TOX: variants seen among roughly 807,000 people sequenced by gnomAD.
The protein encoded by TOX is thymocyte selection associated high mobility group box.
Under a neutral mutation model 53.7 loss-of-function variants are expected in TOX, and 11 were observed. The ratio of observed to expected loss-of-function variants is 0.20; its 90% confidence interval spans 0.13 to 0.34. The LOEUF is 0.34. Ranked by LOEUF, TOX falls within the 10% of genes least tolerant of loss-of-function variation. TOX has a pLI of 1.00. For missense variants in TOX, 570 were observed against 664.6 expected, an observed-to-expected ratio of 0.86 and a Z score of 1.56; for synonymous variants, 225 against 245.3, an observed-to-expected ratio of 0.92 and a Z score of 0.77.
chr8:59,046,174 C>A (rs1803678769), intron 1 of TOX, among the ~76,000 whole-genome samples: 1 of 152,126 alleles, frequency 6.6e-6, no homozygotes, highest in African/African-American at 2.4e-5. Context: ...TGGACAATAA[C>A]CACCAAAACT....
chr8:58,959,519 A>G (rs894314977), intron 2 of TOX, among the ~76,000 whole-genome samples: 1 of 152,128 alleles, frequency 6.6e-6, no homozygotes, highest in African/African-American at 2.4e-5. Context: ...CCCACCGGCC[A>G]TGGGATTTGG....
intron 5 of TOX, among the ~76,000 whole-genome samples, chr8:58,834,099 T>C (rs1810508394): frequency 6.6e-6 from 1 of 152,206 alleles, no homozygotes; most frequent in Admixed American, 6.5e-5. Context: ...CTATTAGTCA[T>C]GTTCCCTCTG....
intron 1 of TOX, among the ~76,000 whole-genome samples, chr8:59,074,507 C>T (rs2129422798): frequency 6.6e-6 from 1 of 152,052 alleles, no homozygotes; most frequent in Middle Eastern, 3.4e-3. Context: ...AATATCTGGC[C>T]CCCGACGGAT....
In TOX at chr8:58,913,652, A is replaced by T. The variant is rs143178186; in HGVS notation, c.411+25650T>A. 6.3e-3 allele frequency among the ~76,000 whole-genome samples: 963 copies of T among 152,272 alleles called. 13 individuals carry two copies. The highest frequency in any genetic ancestry group is 0.022 in the African/African-American group (919 of 41,560). On this transcript the variant is annotated intron_variant, in intron 3 of 8. Transcript: ENST00000361421. ...ACTTCCTTAGTGTCTGTTTCATAAA[A>T]TTTTTTATTTTTTTACAGGAGTAGC...
intron 1 of TOX, among the ~76,000 whole-genome samples, chr8:59,026,953 T>A (rs17243508): frequency 0.29 from 41,515 of 145,528 alleles, 6,682 homozygotes; most frequent in Non-Finnish European, 0.37. Flanking sequence ...CCAGAAGGAG[T>A]GAGGGAAGCA....
chr8:59,082,953 TG>T (rs1804436449), intron 1 of TOX, among the ~76,000 whole-genome samples: 1 of 152,182 alleles, frequency 6.6e-6, no homozygotes, highest in Admixed American at 6.5e-5. Context: ...CGTTGTTTTT[TG>T]TTTGTTTGTT....
At chr8:59,026,662 A>G (rs1814245220) in intron 1 of TOX, among the ~76,000 whole-genome samples, 1 of 152,178 alleles carries the variant, frequency 6.6e-6, no homozygotes, top group African/African-American at 2.4e-5. Flanking sequence ...AGCACTTGCC[A>G]TTTGAGTGAC....
intron 1 of TOX, among the ~76,000 whole-genome samples, chr8:58,968,063 C>T (rs528385567): frequency 2.0e-5 from 3 of 152,036 alleles, no homozygotes; most frequent in Non-Finnish European, 4.4e-5. Flanking sequence ...ACAAGAATTG[C>T]CTATATCATG....
intron 3 of TOX, among the ~76,000 whole-genome samples, chr8:58,938,975 T>G (rs1265605909): frequency 2.6e-5 from 4 of 152,208 alleles, no homozygotes; most frequent in Non-Finnish European, 4.4e-5. Flanking sequence ...CTCCACTGGA[T>G]GAGAGGTGGC....
rs561699887 is a variant in TOX at position 59,111,794 on chromosome 8, C to T, written c.102+7092G>A. 2.6e-5 allele frequency among the ~76,000 whole-genome samples: 4 copies of T among 152,280 alleles called. No individual in the cohort carries two copies. In the East Asian group the frequency reaches 5.8e-4, roughly 22 times the overall value. ...GGCCACTGGCAAAGCTTCTTATCAA[C>T]CAACCATGGCCTCCTTTAATTAGGA... On this transcript the variant is annotated intron_variant, in intron 1 of 8. Coordinates refer to ENST00000361421, the MANE Select transcript of TOX (RefSeq NM_014729.3).
intron 1 of TOX, among the ~76,000 whole-genome samples, chr8:59,080,410 C>A (rs1019753803): frequency 1.3e-5 from 2 of 152,048 alleles, no homozygotes; most frequent in Non-Finnish European, 2.9e-5. Context: ...AGGTACTCCC[C>A]TTGTCTCGAT....
intron 1 of TOX, among the ~76,000 whole-genome samples, chr8:59,048,022 T>C (rs751842206): frequency 5.9e-5 from 9 of 152,296 alleles, no homozygotes; most frequent in Admixed American, 2.6e-4. Context: ...TATAGTAATG[T>C]ACCTTCAGGA....
intron 3 of TOX, among the ~76,000 whole-genome samples, chr8:58,896,847 C>T (rs1271829162): frequency 6.6e-6 from 1 of 152,222 alleles, no homozygotes; most frequent in Non-Finnish European, 1.5e-5. Context: ...GTTACTCACT[C>T]TTCTGCTTCA....
intron 6 of TOX, among the ~76,000 whole-genome samples, chr8:58,818,937 T>G (rs775214720): frequency 6.6e-6 from 1 of 152,236 alleles, no homozygotes; most frequent in East Asian, 1.9e-4. Context: ...TGTATGTTTA[T>G]GTAATGGTCC....
intron 1 of TOX, among the ~76,000 whole-genome samples, chr8:59,104,549 A>G (rs1350189236): frequency 6.6e-6 from 1 of 152,160 alleles, no homozygotes; most frequent in Non-Finnish European, 1.5e-5. Context: ...ATGTATTTCC[A>G]GTTTTGCTCA....
intron 3 of TOX, among the ~76,000 whole-genome samples, chr8:58,859,872 C>T (rs961011650): frequency 2.0e-5 from 3 of 150,890 alleles, no homozygotes; most frequent in Non-Finnish European, 4.4e-5. Context: ...GTTTGTACAT[C>T]GTCTCCCAGG....
chr8:59,013,597 G>A (rs1306252922), intron 1 of TOX, among the ~76,000 whole-genome samples: 3 of 152,102 alleles, frequency 2.0e-5, no homozygotes, highest in African/African-American at 4.8e-5. Context: ...TTTTAGTAGA[G>A]ACAGGGTTGC....
In TOX at chr8:58,927,768, T is replaced by C. The variant is rs181596229; in HGVS notation, c.411+11534A>G. ...ACACAGTAGCTGACATGAAGCTCAC[T>C]GTCTGCCCAGTACTGCTCGGAGGGC... On this transcript the variant is annotated intron_variant, in intron 3 of 8. Coordinates refer to ENST00000361421, the MANE Select transcript of TOX (RefSeq NM_014729.3). Among the ~76,000 whole-genome samples, 303 of 152,274 alleles carry C rather than the reference T, an allele frequency of 2.0e-3. 2 individuals carry two copies. The highest frequency in any genetic ancestry group is 6.9e-3 in the African/African-American group (287 of 41,558).
intron 1 of TOX, among the ~76,000 whole-genome samples, chr8:58,997,496 C>T (rs1813582712): frequency 6.6e-6 from 1 of 152,200 alleles, no homozygotes; most frequent in Non-Finnish European, 1.5e-5. Flanking sequence ...CATAGATTCC[C>T]ACCCTGTGCA....
Sources: allele counts gnomAD v4.1 joint callset (sites outside exome capture counted in the v4.1 genomes callset), GRCh38; gene constraint gnomAD v4.1.1; transcripts MANE v1.5; gene names NCBI Gene and HGNC (gene_info 2026-07-23, HGNC 2026-07-21).